Variants in MAX observed in about 807,000 individuals in gnomAD.
MAX encodes the protein protein max.
In MAX, 3 loss-of-function variants were observed where a neutral mutation model predicts 22.3. The ratio of observed to expected loss-of-function variants is 0.13; its 90% CI spans 0.06 to 0.35. The LOEUF (loss-of-function observed/expected upper bound fraction) is 0.35, where lower values mean the gene tolerates loss of function less well. MAX is among the 10% of genes least tolerant of loss of function. The probability of loss-of-function intolerance (pLI) is 1.00; values close to 1 mark genes in which losing one functional copy is unlikely to be tolerated. For missense variants in MAX, 119 were observed against 209.4 expected, an observed-to-expected ratio of 0.57 and a Z score of 2.66; for synonymous variants, 72 against 77.7, an observed-to-expected ratio of 0.93 and a Z score of 0.39.
rs921490012 is a variant in MAX at position 65,078,774 on chromosome 14, C to T, written c.172-738G>A. Among the ~76,000 whole-genome samples, 2 of 152,196 alleles carry T rather than the reference C, an allele frequency of 1.3e-5. No individual in the cohort carries two copies. Among genetic ancestry groups the T allele is most frequent in the African/African-American group, 2.4e-5 (1 of 41,444 alleles). The stretch of plus-strand genomic sequence containing the variant: ...CAAACTCCTCACCTCAGGTGATCCA[C>T]CTACCTCGGCCTCCCAAACTGCTGG... On this transcript the variant is annotated intron_variant, in intron 3 of 4. Coordinates refer to ENST00000358664, the MANE Select transcript of MAX (RefSeq NM_002382.5). The surrounding 1 kb of genome is among the most constrained non-coding windows in gnomAD (Gnocchi z 6.4).
intron 3 of MAX, among the ~76,000 whole-genome samples, chr14:65,034,096 A>G (rs921363016): frequency 3.9e-5 from 6 of 152,252 alleles, no homozygotes; most frequent in South Asian, 4.1e-4. Flanking sequence ...TCCTTCCCAA[A>G]TTGTCTGTCA....
Position 65,007,617 on chromosome 14 carries a change from A to G in MAX, c.172-1333T>C, listed in dbSNP as rs982808348. On this transcript the variant is annotated intron_variant, in intron 3 of 3. Transcript: ENST00000341653. The surrounding 1 kb of genome is among the most constrained non-coding windows in gnomAD (Gnocchi z 4.9). ...TCTAAGGTTGGGACTGTCTACCTGG[A>G]GTGAGGTAGTCAGTCCCAAGGAGCT... is the stretch of plus-strand genomic sequence containing the variant. Among the ~76,000 whole-genome samples the G allele has an allele frequency of 1.3e-5, 2 of 152,184 alleles. No homozygotes were observed. Among genetic ancestry groups the G allele is most frequent in the Non-Finnish European group, 2.9e-5 (2 of 68,034 alleles).
intron 3 of MAX, among the ~76,000 whole-genome samples, chr14:65,048,990 G>A (rs1435326036): frequency 6.6e-6 from 1 of 152,264 alleles, no homozygotes; most frequent in South Asian, 2.1e-4. Context: ...GCCAGGCATG[G>A]TGCCACGTTG....
chr14:65,087,304 G>A (rs1436778454), intron 3 of MAX, among the ~76,000 whole-genome samples: 1 of 152,152 alleles, frequency 6.6e-6, no homozygotes, highest in African/African-American at 2.4e-5. Flanking sequence ...TGAGAAGAGT[G>A]CCACCATCCT....
chr14:65,037,751 TA>T (rs1411329453), intron 3 of MAX, among the ~76,000 whole-genome samples: 2,185 of 106,836 alleles, frequency 0.02, 46 homozygotes, highest in Non-Finnish European at 0.025. Flanking sequence ...ATTATTTATT[TA>T]TTTATTTATT....
At chr14:65,058,094 A>G (rs2062779127) in intron 3 of MAX, among the ~76,000 whole-genome samples, 1 of 149,668 alleles carries the variant, frequency 6.7e-6, no homozygotes, top group South Asian at 2.1e-4. Flanking sequence ...ATTTTAGATT[A>G]ATAGGAGAGA....
Position 65,069,110 on chromosome 14 carries a change from C to T in MAX, c.171+24598G>A, listed in dbSNP as rs1185339078. Among the ~76,000 whole-genome samples, 1 of 152,212 alleles carries T rather than the reference C, an allele frequency of 6.6e-6. No homozygotes were observed. The highest frequency in any genetic ancestry group is 2.4e-5 in the African/African-American group (1 of 41,444). On this transcript the variant is annotated intron_variant, in intron 3 of 3. Coordinates refer to the MAX transcript ENST00000341653. The surrounding 1 kb of genome is among the most constrained non-coding windows in gnomAD (Gnocchi z 4.6). Reference sequence around the variant, plus strand: ...TGCTCCTTGCGAGGCTCCATCCCCCCAGCCCCTCTCCTCACTCTCTGGAGC... The same window carrying T: ...TGCTCCTTGCGAGGCTCCATCCCCCTAGCCCCTCTCCTCACTCTCTGGAGC...
In MAX at chr14:65,079,651, C is replaced by T. The variant is rs955740056; in HGVS notation, c.172-1615G>A. On this transcript the variant is annotated intron_variant, in intron 3 of 4. Transcript: ENST00000358664. The surrounding 1 kb of genome is among the most constrained non-coding windows in gnomAD (Gnocchi z 4.5). ...GTGCTTGACAATTCTGTATTACAAG[C>T]CCAATGGGTCCTAAACAACCAGAAC... 3.3e-5 allele frequency among the ~76,000 whole-genome samples: 5 copies of T among 152,168 alleles called. No homozygotes were observed. The highest frequency in any genetic ancestry group is 1.2e-4 in the African/African-American group (5 of 41,432).
chr14:65,033,911 C>T (rs1000323746), intron 3 of MAX, among the ~76,000 whole-genome samples: 8 of 152,060 alleles, frequency 5.3e-5, no homozygotes, highest in Admixed American at 4.6e-4. Context: ...GGAATGATAG[C>T]CAAGCTGAGA....
intron 3 of MAX, among the ~76,000 whole-genome samples, chr14:65,046,694 C>T (rs1393101179): frequency 3.3e-5 from 5 of 152,122 alleles, no homozygotes; most frequent in Non-Finnish European, 7.4e-5. Flanking sequence ...GGGCAAAATA[C>T]TGACTTTGGG....
Position 65,089,756 on chromosome 14 carries a change from TAAAAAAAAAAAAAAAAAAAAAAAAAA to T in MAX, c.171+3926_171+3951del, listed in dbSNP as rs55883101. ...ACTTTCTATAAAAGTAGCATCTCTG[TAAAAAAAAAAAAAAAAAAAAAAAAAA>T]AAAAAAAAAAAAAAAAAAAAAGCGG... On this transcript the variant is annotated intron_variant, in intron 3 of 4. Transcript: ENST00000358664. 3.6e-3 allele frequency among the ~76,000 whole-genome samples: 131 copies of T among 36,140 alleles called. No individual in the cohort carries two copies. The East Asian group carries it at 0.065, about 18-fold the overall frequency. The allele number at this position is 36,140 out of a possible 152,430, so 23.7% of individuals were successfully genotyped here. A position where few individuals can be genotyped will look rare whatever the true frequency, so the allele number is the denominator to read the frequency against.
intron 2 of MAX, among the ~76,000 whole-genome samples, chr14:65,094,831 C>A (rs916593099): frequency 1.3e-5 from 2 of 152,208 alleles, no homozygotes; most frequent in African/African-American, 4.8e-5. Flanking sequence ...TTCATCACAC[C>A]TACACTCTAG....
chr14:65,088,201 T>C lies in MAX; in HGVS notation c.171+5507A>G, dbSNP rs910033185. ...AACGGACTAATACAAGGGTGTATAG[T>C]AACTGGAAGGTTAATGTCAGGAAGG... On this transcript the variant is annotated intron_variant, in intron 3 of 4. Transcript: ENST00000358664. This position sits in a 1 kb window ranked among gnomAD's most constrained non-coding sequence, Gnocchi z 5.2. Among the ~76,000 whole-genome samples the C allele has an allele frequency of 6.6e-6, 1 of 152,190 alleles. No homozygotes were observed. The highest frequency in any genetic ancestry group is 6.5e-5 in the Admixed American group (1 of 15,272).
intron 3 of MAX, among the ~76,000 whole-genome samples, chr14:65,060,556 C>T (rs1246723226): frequency 7.8e-6 from 1 of 127,392 alleles, no homozygotes; most frequent in Non-Finnish European, 1.5e-5. Flanking sequence ...ATTAGCCGGG[C>T]GTAGTGGCGG....
rs916342258 is a variant in MAX, at chr14:65,023,670, T to C, written c.172-17386A>G. Among the ~76,000 whole-genome samples, 1 of 152,244 alleles carries C rather than the reference T, an allele frequency of 6.6e-6. No individual in the cohort carries two copies. Among genetic ancestry groups the C allele is most frequent in the African/African-American group, 2.4e-5 (1 of 41,462 alleles). Reference sequence around the variant, plus strand: ...TGTGTGACTGAAGAGCTGAATTTTCTATTTTAATTAATTGAGAATTTAAAT... The same window carrying C: ...TGTGTGACTGAAGAGCTGAATTTTCCATTTTAATTAATTGAGAATTTAAAT... On this transcript the variant is annotated intron_variant, in intron 3 of 3. Transcript: ENST00000341653. This position sits in a 1 kb window ranked among gnomAD's most constrained non-coding sequence, Gnocchi z 4.1.
At chr14:65,043,164 C>G (rs2062389083) in intron 3 of MAX, among the ~76,000 whole-genome samples, 1 of 152,130 alleles carries the variant, frequency 6.6e-6, no homozygotes, top group African/African-American at 2.4e-5. Flanking sequence ...CTGGAACGGC[C>G]TAGGTGGTCT....
rs879734777 is a variant in MAX at position 65,076,923 on chromosome 14, G to A, written c.296-260C>T. On this transcript the variant is annotated intron_variant, in intron 4 of 4. Coordinates refer to ENST00000358664, the MANE Select transcript of MAX (RefSeq NM_002382.5). This position sits in a 1 kb window ranked among gnomAD's most constrained non-coding sequence, Gnocchi z 6.6. ...TGAAGAGAAGGCTTGTGATGTCACC[G>A]TCCTGCCGTGGAAGCCCCGTGGAGA... 36 of 590,254 alleles carry A rather than the reference G, an allele frequency of 6.1e-5. No individual in the cohort carries two copies. The Admixed American group carries it at 7.9e-4, about 13-fold the overall frequency. 36.6% of individuals were successfully genotyped at this position (590,254 alleles called of 1,614,324 possible).
chr14:65,049,307 G>A (rs2139661810), intron 3 of MAX, among the ~76,000 whole-genome samples: 1 of 152,290 alleles, frequency 6.6e-6, no homozygotes, highest in Non-Finnish European at 1.5e-5. Flanking sequence ...GCCTACCTGT[G>A]AAATTGAGCT....
intron 3 of MAX, among the ~76,000 whole-genome samples, chr14:65,051,396 A>G (rs2062605682): frequency 6.6e-6 from 1 of 152,198 alleles, no homozygotes; most frequent in African/African-American, 2.4e-5. Context: ...GGGTCACCTG[A>G]GGTCAGGAGT....
Sources: gnomAD v4.1 joint callset for allele counts (sites outside exome capture counted in the v4.1 genomes callset) on GRCh38, gnomAD v4.1.1 for gene constraint, Gnocchi (gnomAD v3.1) non-coding constraint, MANE v1.5 for transcripts, NCBI Gene and HGNC (gene_info 2026-07-23, HGNC 2026-07-21) for gene names.